Variants in BABAM2 observed in about 807,000 individuals in gnomAD.
BABAM2 encodes BRISC and BRCA1-A complex member 2.
BABAM2 carries 31 observed loss-of-function variants against 54.7 expected under a neutral mutation model. The ratio of observed to expected loss-of-function variants is 0.57; its 90% confidence interval spans 0.43 to 0.77. The LOEUF is 0.77. Among genes scored for constraint, BABAM2 ranks in the 30% least tolerant of loss-of-function variants. BABAM2 has a pLI of 0.00. For synonymous variants in BABAM2, 167 were observed against 162.9 expected, an observed-to-expected ratio of 1.03 and a Z score of -0.19; for missense variants, 364 against 455.8, an observed-to-expected ratio of 0.80 and a Z score of 1.83.
chr2:28,338,184 T>G (rs1691632694), intron 11 of BABAM2, among the ~76,000 whole-genome samples: 2 of 152,190 alleles, frequency 1.3e-5, no homozygotes, highest in South Asian at 4.1e-4. Flanking sequence ...CGGACCTAAG[T>G]GCAGATATCT....
intron 6 of BABAM2, among the ~76,000 whole-genome samples, chr2:28,071,600 C>G (rs942747290): frequency 5.3e-5 from 8 of 152,132 alleles, no homozygotes; most frequent in African/African-American, 1.7e-4. Flanking sequence ...AATGGTGATA[C>G]TATAATTTTA....
chr2:28,264,812 TA>T (rs1372598068), intron 10 of BABAM2, among the ~76,000 whole-genome samples: 1 of 152,218 alleles, frequency 6.6e-6, no homozygotes, highest in Non-Finnish European at 1.5e-5. Context: ...CTTTACATGC[TA>T]ACGTTCAAAG....
intron 7 of BABAM2, among the ~76,000 whole-genome samples, chr2:28,196,477 C>T (rs1288378314): frequency 1.3e-5 from 2 of 152,150 alleles, no homozygotes; most frequent in Non-Finnish European, 2.9e-5. Context: ...GTGAGCTTGT[C>T]ACTGACTCAT....
chr2:28,217,712 G>A (rs1680041624), intron 7 of BABAM2, among the ~76,000 whole-genome samples: 1 of 151,996 alleles, frequency 6.6e-6, no homozygotes, highest in South Asian at 2.1e-4. Context: ...ATATCTCCAT[G>A]CTTTTACTTG....
intron 6 of BABAM2, among the ~76,000 whole-genome samples, chr2:28,122,893 TC>T (rs1669198731): frequency 6.6e-6 from 1 of 152,210 alleles, no homozygotes; most frequent in African/African-American, 2.4e-5. Context: ...AATAGGTGTA[TC>T]CTTGGCGATA....
At chr2:28,333,268 G>C (rs887403571) in intron 11 of BABAM2, among the ~76,000 whole-genome samples, 1 of 152,112 alleles carries the variant, frequency 6.6e-6, no homozygotes, top group Non-Finnish European at 1.5e-5. Flanking sequence ...CATGATCAAC[G>C]AGTAAGGAGT....
At position 28,325,107 on chromosome 2, in the gene BABAM2, A is replaced by G. The variant is rs1015128293; in HGVS notation, c.1089-13343A>G. ...TCTGATTTTATTTCACTTTATTTTA[A>G]TGCTGCTCAGAACCCACTAAATGGA... On this transcript the variant is annotated intron_variant, in intron 11 of 11. Coordinates refer to ENST00000379624, the MANE Select transcript of BABAM2 (RefSeq NM_199191.3). This position sits in a 1 kb window ranked among gnomAD's most constrained non-coding sequence, Gnocchi z 4.3. 1.3e-5 allele frequency among the ~76,000 whole-genome samples: 2 copies of G among 152,220 alleles called. No homozygotes were observed. The highest frequency in any genetic ancestry group is 2.9e-5 in the Non-Finnish European group (2 of 68,034).
At chr2:28,178,989 C>T (rs555986672) in intron 7 of BABAM2, among the ~76,000 whole-genome samples, 1 of 152,198 alleles carries the variant, frequency 6.6e-6, no homozygotes, top group Non-Finnish European at 1.5e-5. Flanking sequence ...AAGATTGAAT[C>T]CGTAATAAAA....
intron 2 of BABAM2, among the ~76,000 whole-genome samples, chr2:27,906,473 A>G (rs531335507): frequency 6.6e-6 from 1 of 152,200 alleles, no homozygotes; most frequent in Non-Finnish European, 1.5e-5. Flanking sequence ...GTGCTCTTGC[A>G]TATGGTGTTT....
rs376940208 is a variant in BABAM2 at position 27,962,087 on chromosome 2, A to G, written c.206-25906A>G. On this transcript the variant is annotated intron_variant, in intron 3 of 11. Transcript: ENST00000379624. ...AAACAACAGTTTTGAACTACTTTCTAAAATCATTTGGAAATTTTTGTTTGT... is the reference window on the plus strand; with the variant it reads ...AAACAACAGTTTTGAACTACTTTCTGAAATCATTTGGAAATTTTTGTTTGT... Among the ~76,000 whole-genome samples, 18 of 151,804 alleles carry G rather than the reference A, an allele frequency of 1.2e-4. 1 individual carries two copies. Among genetic ancestry groups the G allele is most frequent in the African/African-American group, 4.4e-4 (18 of 41,378 alleles).
intron 11 of BABAM2, chr2:28,327,299 T>C: frequency 6.2e-7 from 1 of 1,610,690 alleles, no homozygotes; most frequent in Non-Finnish European, 8.5e-7. Flanking sequence ...CAGAGATGCC[T>C]GCAGCCCGTG....
intron 7 of BABAM2, among the ~76,000 whole-genome samples, chr2:28,177,409 G>A (rs1486259458): frequency 1.3e-5 from 2 of 150,364 alleles, no homozygotes; most frequent in Non-Finnish European, 2.9e-5. Context: ...TGCTTACCAG[G>A]GCTCTACACC....
intron 6 of BABAM2, among the ~76,000 whole-genome samples, chr2:28,128,619 T>C (rs1227717111): frequency 2.6e-5 from 4 of 152,238 alleles, no homozygotes; most frequent in African/African-American, 9.6e-5. Flanking sequence ...TTTAGTTTAT[T>C]GTGTGTTATT....
intron 7 of BABAM2, among the ~76,000 whole-genome samples, chr2:28,211,368 TAGTTCCTTC>T (rs1458921963): frequency 6.7e-6 from 1 of 149,690 alleles, no homozygotes; most frequent in East Asian, 2.0e-4. Context: ...TATCCATGTA[TAGTTCCTTC>T]CTTATTATCT....
At chr2:27,962,820 C>T (rs745926042) in intron 3 of BABAM2, among the ~76,000 whole-genome samples, 2 of 152,158 alleles carry the variant, frequency 1.3e-5, no homozygotes, top group Non-Finnish European at 2.9e-5. Flanking sequence ...ATCTAATTTA[C>T]TACCTATTGT....
chr2:28,205,145 T>A (rs1678702789), intron 7 of BABAM2, among the ~76,000 whole-genome samples: 1 of 152,150 alleles, frequency 6.6e-6, no homozygotes, highest in East Asian at 1.9e-4. Context: ...CACTCTCCCA[T>A]TGATATAGGG....
At chr2:28,229,427 G>C (rs1424398890) in intron 7 of BABAM2, among the ~76,000 whole-genome samples, 2 of 152,172 alleles carry the variant, frequency 1.3e-5, no homozygotes, top group African/African-American at 4.8e-5. Flanking sequence ...TGATGCATTA[G>C]TGCTTAGTAA....
At chr2:28,190,415 A>T in intron 7 of BABAM2, among the ~76,000 whole-genome samples, 1 of 152,182 alleles carries the variant, frequency 6.6e-6, no homozygotes, top group East Asian at 1.9e-4. Flanking sequence ...GGCCAGGTAC[A>T]GTGGCTCACA....
chr2:28,016,106 G>A (rs768410046), intron 4 of BABAM2: 45 of 1,019,886 alleles, frequency 4.4e-5, no homozygotes, highest in Middle Eastern at 4.2e-4. Context: ...AGTTTTCCGT[G>A]TTTCTTACCC....
Sources: gnomAD v4.1 joint callset for allele counts (sites outside exome capture counted in the v4.1 genomes callset) on GRCh38, gnomAD v4.1.1 for gene constraint, Gnocchi (gnomAD v3.1) non-coding constraint, MANE v1.5 for transcripts, NCBI Gene and HGNC (gene_info 2026-07-23, HGNC 2026-07-21) for gene names.